FASN: variants seen among roughly 807,000 people sequenced by gnomAD.
FASN encodes the protein fatty acid synthase, also known as 3-hydroxyacyl-[acyl-carrier-protein] dehydratase.
Under a neutral mutation model 250.0 loss-of-function variants are expected in FASN, and 50 were observed. That is an observed-to-expected ratio of 0.20 (90% CI 0.16 to 0.25). FASN has a LOEUF of 0.25. Ranked by LOEUF, FASN falls within the 10% of genes least tolerant of loss-of-function variation. The pLI is 1.00. For missense variants in FASN, 3,031 were observed against 3,498.5 expected (o/e 0.87, Z 3.37); for synonymous variants, 1,909 against 1,584.0 (o/e 1.21, Z -4.87).
At chr17:82,086,696 G>T (rs567980230) in intron 21 of FASN, 138 bp from the exon 22 acceptor site, 7 of 749,076 alleles carry the variant, frequency 9.3e-6, no homozygotes, top group Non-Finnish European at 1.6e-5. Context: ...GAGGGTTGAG[G>T]AAGGGGCTGC....
At chr17:82,093,898 C>A in intron 3 of FASN, 127 bp from the exon 4 acceptor site, 1 of 978,280 alleles carries the variant, frequency 1.0e-6, no homozygotes, top group Non-Finnish European at 1.5e-6. Context: ...GGGGTCCATC[C>A]CAGTGGGACC....
At position 82,085,544 on chromosome 17, in the gene FASN, C is replaced by T. The variant is rs543915161; in HGVS notation, c.4060G>A (p.Gly1354Arg). ...LHTLLRGHPL[G>R]DIVAFLTSTE... The stretch of plus-strand genomic sequence containing the variant: ...GAGGTGAGGAAGGCCACGATGTCCC[C>T]GAGGGGGTGCCCCCGGAGCAGTGTG... Residue 1354 changes from glycine to arginine, a missense_variant, in exon 23 of 43, where the codon GGG becomes AGG. Transcript: ENST00000306749. 41 of 1,595,348 alleles carry T rather than the reference C, an allele frequency of 2.6e-5. 3 individuals carry two copies. The South Asian group carries it at 3.7e-4, about 15-fold the overall frequency.
At position 82,084,091 on chromosome 17, in the gene FASN, A is replaced by T. The variant is rs2034042799; in HGVS notation, c.4982T>A (p.Val1661Glu). 1 of 1,564,392 alleles carries T rather than the reference A, an allele frequency of 6.4e-7. No homozygotes were observed. Among genetic ancestry groups the T allele is most frequent in the African/African-American group, 1.4e-5 (1 of 73,578 alleles). The change falls in exon 29 of 43, where the codon GTG (valine) becomes GAG (glutamate). Residue 1661 changes from valine to glutamate, a missense_variant. Coordinates refer to ENST00000306749, the MANE Select transcript of FASN (RefSeq NM_004104.5). ...CTCCCCGGGGCGCACCCGCCCACGC[A>T]CCACCAGCGCGTAGTAGGCCGTGCT... ...VYSTAYYALVVRGRVRPGETL... is the reference protein window; with the variant it reads ...VYSTAYYALVERGRVRPGETL...
Position 82,091,241 on chromosome 17 carries a change from C to T in FASN, c.1473G>A (p.Pro491=), listed in dbSNP as rs375957771. 112 of 1,599,270 alleles carry T rather than the reference C, an allele frequency of 7.0e-5. No individual in the cohort carries two copies. Among genetic ancestry groups the T allele is most frequent in the Middle Eastern group, 3.3e-4 (2 of 6,040 alleles). Residue 491 remains proline, a synonymous_variant, in exon 9 of 43, where the codon CCG becomes CCA. Transcript: ENST00000306749. ...GCTCACCAGAGCAGATGAACCAGAG[C>T]GGGCGCTCGCCAGCGGGCACCTGCT... is the stretch of plus-strand genomic sequence containing the variant. ...EVQQVPAGER[P]LWFICSGMGT... is the part of the protein sequence containing the mutation.
intron 10 of FASN, 75 bp downstream of exon 10, chr17:82,090,807 T>C (rs2034190878): frequency 1.3e-6 from 2 of 1,509,792 alleles, no homozygotes; most frequent in East Asian, 2.5e-5. Context: ...GACTCAACAC[T>C]GCAGCTCCTG....
intron 33 of FASN, 116 bp downstream of exon 33, chr17:82,082,798 A>AG (rs1362468519): frequency 5.9e-6 from 9 of 1,533,496 alleles, no homozygotes; most frequent in Non-Finnish European, 7.1e-6. Flanking sequence ...CACAAGATGG[A>AG]GGGGGACAGA....
rs1386900968 is a variant in FASN, at chr17:82,079,408, C to G, written c.7347G>C (p.Lys2449Asn). Reference protein sequence around the residue: ...YHGNVMLLRAKTGGAYGEDLG... With the variant: ...YHGNVMLLRANTGGAYGEDLG... ...GGTCCTCGCCGTAGGCGCCACCCGT[C>G]TTGGCGCGCAGTAGCATCACGTTGC... The change falls in exon 42 of 43, where the codon AAG (lysine) becomes AAC (asparagine). Residue 2449 changes from lysine to asparagine, a missense_variant. Physicochemically the swap from Lys to Asn is moderately conservative, Grantham distance 94 (BLOSUM62 0). Transcript: ENST00000306749. 6.2e-7 allele frequency: 1 copy of G among 1,613,070 alleles called. No homozygotes were observed. The highest frequency in any genetic ancestry group is 8.5e-7 in the Non-Finnish European group (1 of 1,180,008).
chr17:82,083,459 C>G (rs761887958), intron 31 of FASN, 34 bp from the exon 32 acceptor site: 1 of 1,612,548 alleles, frequency 6.2e-7, no homozygotes, highest in African/African-American at 1.3e-5. Flanking sequence ...CCAGGGCCTT[C>G]CACAGGTCCA....
Position 82,088,847 on chromosome 17 carries a change from G to T in FASN, c.2334C>A (p.Ser778Arg). Residue 778 changes from serine (S) to arginine (R), a missense_variant, in exon 15 of 43, where the codon AGC (serine) becomes AGA (arginine). Ser to Arg is a moderately radical substitution (Grantham distance 110, BLOSUM62 -1). Transcript: ENST00000306749. ...QAVLKRGLKP[S>R]CTIIPLMKKD... is the part of the protein sequence containing the mutation. ...TCTTCATCAGGGGGATGATGGTGCA[G>T]CTCGGCTTCAGGCCACGCTTCAGGA... 1 of 1,612,582 alleles carries T rather than the reference G, an allele frequency of 6.2e-7. No homozygotes were observed. The highest frequency in any genetic ancestry group is 8.5e-7 in the Non-Finnish European group (1 of 1,179,816).
In FASN at chr17:82,083,265, G is replaced by A. The variant is rs1041723608; in HGVS notation, c.5502C>T (p.Ala1834=). 3 of 1,612,580 alleles carry A rather than the reference G, an allele frequency of 1.9e-6. No homozygotes were observed. The African/African-American group carries it at 4.0e-5, about 22-fold the overall frequency. The stretch of plus-strand genomic sequence containing the variant: ...TGTAGCGGAAGGCGTCCTCCACCTG[G>A]GCCCCATGGAACACCGTGCACTTGA... ...RPLKCTVFHG[A]QVEDAFRYMA... Residue 1834 remains alanine, a synonymous_variant, in exon 32 of 43, where the codon GCC becomes GCT. Transcript: ENST00000306749.
At chr17:82,080,281 GCCT>G in intron 40 of FASN, 43 bp from the exon 41 acceptor site, 2 of 1,611,032 alleles carry the variant, frequency 1.2e-6, no homozygotes, top group Non-Finnish European at 1.7e-6. Context: ...AAGGGGCGGG[GCCT>G]CCTAAGCGAC....
chr17:82,087,569 A>G, intron 19 of FASN, 65 bp from the exon 20 acceptor site: 1 of 1,603,528 alleles, frequency 6.2e-7, no homozygotes, highest in Non-Finnish European at 8.5e-7. Context: ...CCCAGAGCCC[A>G]CCGGGCCCCT....
At chr17:82,090,605 G>C (rs1425885912) in intron 10 of FASN, 41 bp from the exon 11 acceptor site, 1 of 1,575,754 alleles carries the variant, frequency 6.3e-7, no homozygotes, top group South Asian at 1.1e-5. Flanking sequence ...ACCTCCAGCA[G>C]GTGCAGCTGT....
In FASN at chr17:82,080,531, C is replaced by A. The variant is rs773891955; in HGVS notation, c.6886G>T (p.Val2296Leu). The change falls in exon 40 of 43, where the codon GTG (valine) becomes TTG (leucine). Residue 2296 changes from valine (V) to leucine (L), a missense_variant. Val to Leu is a conservative substitution (Grantham distance 32). Coordinates refer to ENST00000306749, the MANE Select transcript of FASN (RefSeq NM_004104.5). ...ACGCGGTAGGGGCCCTCGGGCTGCA[C>A]CTGCCTGATGCAGTCGATGTAGTAG... ...AAYYIDCIRQ[V>L]QPEGPYRVAG... 1.6e-5 allele frequency: 25 copies of A among 1,561,468 alleles called. No homozygotes were observed. The highest frequency in any genetic ancestry group is 1.7e-5 in the Non-Finnish European group (20 of 1,154,016).
In FASN at chr17:82,094,013, G is replaced by A. The variant is rs2144809235; in HGVS notation, c.281-242C>T. On this transcript the variant is annotated intron_variant, in intron 3 of 42. Transcript: ENST00000306749. ...GGCCTGGAACAGGAACCAGGTCACAGAGGGAACGAGGCGGAGGGGGCAGGC... is the reference window on the plus strand; with the variant it reads ...GGCCTGGAACAGGAACCAGGTCACAAAGGGAACGAGGCGGAGGGGGCAGGC... 25 of 592,356 alleles carry A rather than the reference G, an allele frequency of 4.2e-5. No individual in the cohort carries two copies. In the South Asian group the frequency reaches 4.8e-4, roughly 11 times the overall value. The allele number at this position is 592,356 out of a possible 1,614,324, so 36.7% of individuals were successfully genotyped here. A position where few individuals can be genotyped will look rare whatever the true frequency, so the allele number is the denominator to read the frequency against.
At chr17:82,096,568 G>A (rs939774566) in intron 1 of FASN, 116 bp from the exon 2 acceptor site, 34 of 1,496,118 alleles carry the variant, frequency 2.3e-5, no homozygotes, top group Admixed American at 1.5e-4. Context: ...CTGAGGGTCC[G>A]TGCGGGCCCT....
At chr17:82,084,445 C>A (rs2034050706) in intron 27 of FASN, 61 bp from the exon 28 acceptor site, 1 of 1,585,134 alleles carries the variant, frequency 6.3e-7, no homozygotes, top group Non-Finnish European at 8.6e-7. Context: ...GGCTCCCAGG[C>A]AGGTCCTAGC....
intron 40 of FASN, 40 bp from the exon 41 acceptor site, chr17:82,080,278 G>C: frequency 1.9e-6 from 3 of 1,611,472 alleles, no homozygotes; most frequent in Non-Finnish European, 2.5e-6. Context: ...TGGAAGGGGC[G>C]GGGCCTCCTA....
rs976500123 is a variant in FASN at position 82,079,069 on chromosome 17, G to T, written c.*74C>A. 6.8e-7 allele frequency: 1 copy of T among 1,461,068 alleles called. No individual in the cohort carries two copies. The allele number at this position is 1,461,068 out of a possible 1,614,324, so 90.5% of individuals were successfully genotyped here. On this transcript the variant is annotated 3_prime_UTR_variant, in exon 43 of 43. Coordinates refer to ENST00000306749, the MANE Select transcript of FASN (RefSeq NM_004104.5). ...CCCACCGGCAGGACCCTTCAATCCC[G>T]TTGCATGGCGGGGGTGGGGTGGGGT... is the stretch of plus-strand genomic sequence containing the variant.
Sources: allele counts gnomAD v4.1 joint callset, GRCh38; gene constraint gnomAD v4.1.1; transcripts MANE v1.5; gene names NCBI Gene and HGNC (gene_info 2026-07-23, HGNC 2026-07-21).